Variants in PTGR3 observed in about 807,000 individuals in gnomAD.
The protein encoded by PTGR3 is prostaglandin reductase 3, also known as zinc binding alcohol dehydrogenase domain containing 2.
the PTGR3 span, chr18:75,202,403 C>A: frequency 1.3e-6 from 2 of 1,505,846 alleles, no homozygotes; most frequent in Non-Finnish European, 1.8e-6. Context: ...TTAGATTCTG[C>A]TTAGAGAAAT....
At chr18:75,208,416 T>G in the PTGR3 span, 2 of 990,416 alleles carry the variant, frequency 2.0e-6, no homozygotes, top group Non-Finnish European at 1.2e-6. Context: ...CGAAGCACGT[T>G]TACCTAAACG....
At chr18:75,200,844 ATTTTTC>A in the PTGR3 span, 1 of 152,212 alleles carries the variant, frequency 6.6e-6, no homozygotes, top group East Asian at 1.9e-4. Context: ...TCACGGAATC[ATTTTTC>A]TAATAACAAA....
At chr18:75,195,143 G>A in the PTGR3 span, 1 of 152,190 alleles carries the variant, frequency 6.6e-6, no homozygotes, top group Non-Finnish European at 1.5e-5. Context: ...TGATTTGTAA[G>A]AACACATTCA....
At chr18:75,201,543 T>A in the PTGR3 span, 1 of 1,614,174 alleles carries the variant, frequency 6.2e-7, no homozygotes, top group South Asian at 1.1e-5. Flanking sequence ...TGGAGACAGA[T>A]CTCCAAGGTC....
At chr18:75,201,433 CAG>C in the PTGR3 span, 2 of 1,609,890 alleles carry the variant, frequency 1.2e-6, no homozygotes, top group Admixed American at 3.3e-5. Context: ...TTACTGTTGA[CAG>C]AGTGAGGTAA....
At chr18:75,201,280 A>T in the PTGR3 span, 1 of 728,938 alleles carries the variant, frequency 1.4e-6, no homozygotes, top group South Asian at 2.2e-5. Context: ...AGAAGGAGAG[A>T]CCTATTCATT....
At chr18:75,198,377 A>T in the PTGR3 span, 1 of 152,228 alleles carries the variant, frequency 6.6e-6, no homozygotes, top group Non-Finnish European at 1.5e-5. Flanking sequence ...TTCATTAGAT[A>T]AACACAGAAT....
the PTGR3 span, among the ~76,000 whole-genome samples, chr18:75,207,211 G>T: frequency 0.47 from 70,766 of 152,024 alleles, 16,638 homozygotes; most frequent in Admixed American, 0.47. Context: ...GCCCTTCCTC[G>T]CTCAGTCGCC....
the PTGR3 span, chr18:75,196,400 G>A: frequency 1.3e-5 from 2 of 152,044 alleles, no homozygotes; most frequent in Non-Finnish European, 2.9e-5. Flanking sequence ...GGCCGAGGTG[G>A]GAGGATTGCT....
the PTGR3 span, among the ~76,000 whole-genome samples, chr18:75,205,920 C>G: frequency 3.3e-5 from 5 of 152,142 alleles, no homozygotes; most frequent in Non-Finnish European, 7.3e-5. Context: ...CGTCCCTTAG[C>G]CATTCCTACA....
the PTGR3 span, among the ~76,000 whole-genome samples, chr18:75,205,002 A>AAGGAGGCTTAGGCTGGCTGACGGC: frequency 6.6e-6 from 1 of 152,148 alleles, no homozygotes; most frequent in East Asian, 1.9e-4. Context: ...GTCGTCGGTG[A>AAGGAGGCTTAGGCTGGCTGACGGC]AGGAGGCTTA....
the PTGR3 span, chr18:75,205,531 A>T: frequency 4.8e-5 from 47 of 974,020 alleles, no homozygotes; most frequent in Non-Finnish European, 5.5e-5. Flanking sequence ...TTCTAGAGTC[A>T]CCAGCTTATA....
At chr18:75,202,685 G>T in the PTGR3 span, among the ~76,000 whole-genome samples, 2 of 144,832 alleles carry the variant, frequency 1.4e-5, no homozygotes, top group Non-Finnish European at 3.0e-5. Context: ...AAAAAGAAAA[G>T]AAGGAAAAAA....
the PTGR3 span, among the ~76,000 whole-genome samples, chr18:75,207,735 T>C: frequency 6.6e-6 from 1 of 151,700 alleles, no homozygotes; most frequent in Non-Finnish European, 1.5e-5. Context: ...CTAATAGGAA[T>C]CTCGAAAATG....
At chr18:75,195,919 A>G in the PTGR3 span, 1 of 152,210 alleles carries the variant, frequency 6.6e-6, no homozygotes, top group Admixed American at 6.5e-5. Context: ...TTCTCAAAAA[A>G]ACAAAAACAC....
the PTGR3 span, chr18:75,201,135 C>A: frequency 2.5e-6 from 1 of 395,732 alleles, no homozygotes. Flanking sequence ...ATTTAGTTCC[C>A]TGGAACAATA....
chr18:75,206,211 T>C, the PTGR3 span, among the ~76,000 whole-genome samples: 1 of 152,208 alleles, frequency 6.6e-6, no homozygotes, highest in South Asian at 2.1e-4. Flanking sequence ...ACATCTTTTC[T>C]AAATAGTAAA....
At chr18:75,208,249 A>T in the PTGR3 span, 2 of 902,554 alleles carry the variant, frequency 2.2e-6, no homozygotes, top group Non-Finnish European at 1.3e-6. Flanking sequence ...GGTCGTTAAC[A>T]CTCAGGGGAC....
chr18:75,201,253 AGAG>A, the PTGR3 span: 1,412 of 549,294 alleles, frequency 2.6e-3, no homozygotes, highest in South Asian at 4.7e-3. Context: ...CCCCAAGGGA[AGAG>A]GAGGAGGAGG....
Sources: allele counts gnomAD v4.1 joint callset (sites outside exome capture counted in the v4.1 genomes callset), GRCh38; gene constraint gnomAD v4.1.1; transcripts MANE v1.5; gene names NCBI Gene and HGNC (gene_info 2026-07-23, HGNC 2026-07-21).